FGGY: variants seen among roughly 807,000 people sequenced by gnomAD.
The protein encoded by FGGY is FGGY carbohydrate kinase domain-containing protein.
FGGY carries 72 observed loss-of-function variants against 71.3 expected under a neutral mutation model. The observed-to-expected ratio is 1.01, with a 90% CI of 0.84 to 1.23. FGGY has a LOEUF of 1.23. Ranked by LOEUF, FGGY falls within the 50% of genes most tolerant of loss-of-function variation. The pLI is 0.00. For missense variants in FGGY, 668 were observed against 682.3 expected (o/e 0.98, Z 0.23); for synonymous variants, 251 against 250.3 (o/e 1.00, Z -0.02).
chr1:59,318,649 A>C (rs1160972228), intron 1 of FGGY: 1 of 152,038 alleles, frequency 6.6e-6, no homozygotes, highest in Non-Finnish European at 1.5e-5. Context: ...CCCCATGGGG[A>C]ATCTGTCTTG....
At chr1:59,509,395 A>T (rs2094466362) in intron 6 of FGGY, among the ~76,000 whole-genome samples, 1 of 152,168 alleles carries the variant, frequency 6.6e-6, no homozygotes, top group East Asian at 1.9e-4. Flanking sequence ...GAGAGTGCTT[A>T]AAAAAGCACA....
intron 5 of FGGY, among the ~76,000 whole-genome samples, chr1:59,386,748 T>C (rs1333559205): frequency 6.6e-6 from 1 of 152,214 alleles, no homozygotes; most frequent in Non-Finnish European, 1.5e-5. Context: ...AGGCTTCTTA[T>C]GTACAAACAA....
intron 14 of FGGY, among the ~76,000 whole-genome samples, chr1:59,675,969 C>T (rs1482099778): frequency 6.6e-6 from 1 of 152,122 alleles, no homozygotes; most frequent in African/African-American, 2.4e-5. Flanking sequence ...CACCAGAGAG[C>T]TGGCTTGTTC....
intron 8 of FGGY, among the ~76,000 whole-genome samples, chr1:59,595,567 G>T (rs2096512388): frequency 6.6e-6 from 1 of 152,068 alleles, no homozygotes; most frequent in African/African-American, 2.4e-5. Flanking sequence ...GTGAGCAACT[G>T]CAGTCCCAGC....
At chr1:59,400,599 T>A (rs537363435) in intron 5 of FGGY, among the ~76,000 whole-genome samples, 5 of 151,900 alleles carry the variant, frequency 3.3e-5, no homozygotes, top group African/African-American at 9.6e-5. Context: ...GGATGATTTG[T>A]CATTAGTGTT....
chr1:59,686,270 T>C (rs147873733), intron 14 of FGGY, among the ~76,000 whole-genome samples: 5 of 152,306 alleles, frequency 3.3e-5, no homozygotes, highest in African/African-American at 4.8e-5. Context: ...GCTGTGTTAC[T>C]GACCTAGGAG....
intron 5 of FGGY, among the ~76,000 whole-genome samples, chr1:59,448,542 C>T (rs1478386931): frequency 6.6e-6 from 1 of 152,126 alleles, no homozygotes; most frequent in East Asian, 1.9e-4. Flanking sequence ...GCATACAGAG[C>T]AGTATCTAAA....
At chr1:59,758,536 T>C (rs553043257) in intron 15 of FGGY, among the ~76,000 whole-genome samples, 6 of 152,188 alleles carry the variant, frequency 3.9e-5, no homozygotes, top group Admixed American at 1.3e-4. Flanking sequence ...ACAATTGAAG[T>C]ATTGCCAGGT....
At chr1:59,712,444 A>G (rs1404240551) in intron 14 of FGGY, among the ~76,000 whole-genome samples, 1 of 152,184 alleles carries the variant, frequency 6.6e-6, no homozygotes, top group East Asian at 1.9e-4. Context: ...GCGGTACCCC[A>G]GTAGAGACTC....
At chr1:59,720,080 T>C (rs776517869) in intron 14 of FGGY, among the ~76,000 whole-genome samples, 17 of 152,222 alleles carry the variant, frequency 1.1e-4, no homozygotes, top group Non-Finnish European at 2.5e-4. Context: ...CGTGCCTTTG[T>C]TAGCATGCCA....
intron 12 of FGGY, among the ~76,000 whole-genome samples, chr1:59,666,665 C>G (rs546777855): frequency 6.6e-6 from 1 of 152,280 alleles, no homozygotes; most frequent in African/African-American, 2.4e-5. Context: ...CTGAAACAAC[C>G]AGGGAATGGA....
At chr1:59,717,311 A>G (rs1356264207) in intron 14 of FGGY, among the ~76,000 whole-genome samples, 1 of 152,044 alleles carries the variant, frequency 6.6e-6, no homozygotes, top group Non-Finnish European at 1.5e-5. Context: ...TGCTTGTTCT[A>G]ATACTGTTAC....
At chr1:59,340,877 G>A (rs766913606) in intron 3 of FGGY, among the ~76,000 whole-genome samples, 3 of 152,192 alleles carry the variant, frequency 2.0e-5, no homozygotes, top group East Asian at 1.9e-4. Flanking sequence ...ATGAGCAGAT[G>A]ACATTAGGGA....
At chr1:59,404,481 T>G (rs1019609471) in intron 5 of FGGY, among the ~76,000 whole-genome samples, 3 of 152,158 alleles carry the variant, frequency 2.0e-5, no homozygotes, top group African/African-American at 7.2e-5. Context: ...GGTATAGAGT[T>G]ATCCATAAAG....
At chr1:59,625,543 T>C (rs1026577072) in intron 9 of FGGY, among the ~76,000 whole-genome samples, 1 of 152,090 alleles carries the variant, frequency 6.6e-6, no homozygotes, top group Non-Finnish European at 1.5e-5. Context: ...ATTCAGCTTC[T>C]CCATTAGTAA....
intron 6 of FGGY, chr1:59,474,337 G>A (rs2093153074): frequency 6.6e-6 from 1 of 152,236 alleles, no homozygotes; most frequent in African/African-American, 2.4e-5. Flanking sequence ...GCGATTGTCA[G>A]AGCTGAAAGG....
intron 4 of FGGY, among the ~76,000 whole-genome samples, chr1:59,360,127 GTTATTATTATTATTA>G (rs200166794): frequency 6.9e-6 from 1 of 145,668 alleles, no homozygotes; most frequent in South Asian, 2.1e-4. Context: ...TTCTATCATT[GTTATTATTATTATTA>G]TTATTATTAT....
At chr1:59,613,152 T>C (rs1203886711) in intron 9 of FGGY, among the ~76,000 whole-genome samples, 1 of 152,170 alleles carries the variant, frequency 6.6e-6, no homozygotes, top group South Asian at 2.1e-4. Context: ...GTGGACCTAA[T>C]AGACATCTAC....
At chr1:59,747,612 C>T (rs2098211185) in intron 14 of FGGY, among the ~76,000 whole-genome samples, 1 of 152,322 alleles carries the variant, frequency 6.6e-6, no homozygotes, top group Non-Finnish European at 1.5e-5. Context: ...CCAACCCCCT[C>T]ATTCTACTGA....
Sources: gnomAD v4.1 joint callset for allele counts (sites outside exome capture counted in the v4.1 genomes callset) on GRCh38, gnomAD v4.1.1 for gene constraint, MANE v1.5 for transcripts, NCBI Gene and HGNC (gene_info 2026-07-23, HGNC 2026-07-21) for gene names.